RYR2: variants seen among roughly 807,000 people sequenced by gnomAD.
The protein encoded by RYR2 is cardiac muscle ryanodine receptor-calcium release channel.
A neutral mutation model predicts 601.1 loss-of-function variants in RYR2; 227 were observed. The ratio of observed to expected loss-of-function variants is 0.38; its 90% CI spans 0.34 to 0.42. RYR2 has a LOEUF of 0.42. Ranked by LOEUF, RYR2 falls within the 10% of genes least tolerant of loss-of-function variation. The pLI is 1.00. For synonymous variants in RYR2, 2,223 were observed against 2,175.1 expected, an observed-to-expected ratio of 1.02 and a Z score of -0.61; for missense variants, 4,646 against 6,156.5, an observed-to-expected ratio of 0.75 and a Z score of 8.21.
chr1:237,631,753 G>A (rs375123641), intron 42 of RYR2, among the ~76,000 whole-genome samples: 90 of 147,418 alleles, frequency 6.1e-4, no homozygotes, highest in African/African-American at 2.1e-3. Flanking sequence ...TCAGCCTCCC[G>A]AGGAGCTGGG....
chr1:237,777,174 G>A (rs1160744811), intron 87 of RYR2, among the ~76,000 whole-genome samples: 1 of 152,142 alleles, frequency 6.6e-6, no homozygotes. Context: ...AGCACACGGA[G>A]AACCCCCTCC....
chr1:237,359,318 A>C (rs1571970086), intron 4 of RYR2, among the ~76,000 whole-genome samples: 1 of 152,198 alleles, frequency 6.6e-6, no homozygotes, highest in Non-Finnish European at 1.5e-5. Context: ...ATCAAAATAC[A>C]GTTCCTGCTG....
chr1:237,297,419 C>CCATT (rs1692898200), intron 2 of RYR2, among the ~76,000 whole-genome samples: 1 of 152,044 alleles, frequency 6.6e-6, no homozygotes, highest in Admixed American at 6.6e-5. Context: ...TCATCGTCTG[C>CCATT]CATTTTTGTA....
intron 3 of RYR2, among the ~76,000 whole-genome samples, chr1:237,344,283 T>C (rs1050284357): frequency 2.0e-5 from 3 of 152,226 alleles, no homozygotes; most frequent in African/African-American, 7.2e-5. Context: ...TTAACTTGTC[T>C]GTAACTATTG....
intron 11 of RYR2, among the ~76,000 whole-genome samples, chr1:237,419,204 CA>C (rs1705311918): frequency 6.6e-6 from 1 of 151,628 alleles, no homozygotes; most frequent in African/African-American, 2.4e-5. Context: ...TATGTGTTTT[CA>C]AAATTTAGAG....
intron 1 of RYR2, among the ~76,000 whole-genome samples, chr1:237,123,423 CA>C (rs1440957093): frequency 6.6e-6 from 1 of 151,752 alleles, no homozygotes; most frequent in Non-Finnish European, 1.5e-5. Flanking sequence ...CTAGTCTCTA[CA>C]AAAAAATAGG....
At chr1:237,448,226 AT>A (rs764956622) in intron 14 of RYR2, among the ~76,000 whole-genome samples, 1 of 151,966 alleles carries the variant, frequency 6.6e-6, no homozygotes, top group African/African-American at 2.4e-5. Context: ...CACACCCGGC[AT>A]TGATATGTTT....
chr1:237,320,296 C>A (rs1290413145), intron 2 of RYR2, among the ~76,000 whole-genome samples: 1 of 151,996 alleles, frequency 6.6e-6, no homozygotes, highest in East Asian at 1.9e-4. Flanking sequence ...TGAATTGATC[C>A]TTCAACATAA....
intron 1 of RYR2, among the ~76,000 whole-genome samples, chr1:237,152,135 G>A (rs1475390536): frequency 2.6e-5 from 4 of 152,144 alleles, no homozygotes; most frequent in Non-Finnish European, 5.9e-5. Context: ...TTCGTTTGCT[G>A]AGGATGATGG....
chr1:237,684,851 T>TACC (rs1370411156), intron 62 of RYR2, among the ~76,000 whole-genome samples: 5 of 151,532 alleles, frequency 3.3e-5, no homozygotes, highest in African/African-American at 1.2e-4. Context: ...GGCAAAAGGT[T>TACC]TTGAATACCC....
Position 237,762,296 on chromosome 1 carries a change from G to A in RYR2, c.11476+1268G>A, listed in dbSNP as rs562816840. Among the ~76,000 whole-genome samples, 4 of 152,240 alleles carry A rather than the reference G, an allele frequency of 2.6e-5. No homozygotes were observed. In the East Asian group the frequency reaches 7.7e-4, roughly 29 times the overall value. On this transcript the variant is annotated intron_variant, in intron 84 of 104. Coordinates refer to ENST00000366574, the MANE Select transcript of RYR2 (RefSeq NM_001035.3). Reference sequence around the variant, plus strand: ...ACCAGTGCCACTCTAAACCGACTTAGGTTTTCTGGACCCATCTGCAGAACT... The same window carrying A: ...ACCAGTGCCACTCTAAACCGACTTAAGTTTTCTGGACCCATCTGCAGAACT...
At chr1:237,088,264 G>A (rs1666576918) in intron 1 of RYR2, among the ~76,000 whole-genome samples, 1 of 152,200 alleles carries the variant, frequency 6.6e-6, no homozygotes, top group African/African-American at 2.4e-5. Context: ...TGTGCCAAAC[G>A]CAGATGGTTA....
At chr1:237,671,878 T>C (rs1045856670) in intron 58 of RYR2, among the ~76,000 whole-genome samples, 3 of 152,178 alleles carry the variant, frequency 2.0e-5, no homozygotes, top group Non-Finnish European at 2.9e-5. Flanking sequence ...TTCAAGTATT[T>C]TGTACCATGG....
intron 53 of RYR2, among the ~76,000 whole-genome samples, chr1:237,657,703 T>C (rs2148830367): frequency 6.6e-6 from 1 of 151,818 alleles, no homozygotes; most frequent in East Asian, 1.9e-4. Context: ...TTATAATATG[T>C]AATTTGTTAT....
At chr1:237,288,650 A>G (rs886993026) in intron 2 of RYR2, among the ~76,000 whole-genome samples, 4 of 151,004 alleles carry the variant, frequency 2.6e-5, no homozygotes, top group African/African-American at 9.7e-5. Context: ...GGCCAGTCGT[A>G]CTCCCACTGT....
chr1:237,180,640 G>GTGTA lies in RYR2; in HGVS notation c.49-89856_49-89855insGTAT, dbSNP rs61414827. Among the ~76,000 whole-genome samples the GTGTA allele has an allele frequency of 0.44, 53,004 of 120,780 alleles. 9,850 individuals are homozygous for GTGTA. Among genetic ancestry groups the GTGTA allele is most frequent in the East Asian group, 0.57 (2,657 of 4,686 alleles). The allele number at this position is 120,780 out of a possible 152,430, so 79.2% of individuals were successfully genotyped here. A position where few individuals can be genotyped will look rare whatever the true frequency, so the allele number is the denominator to read the frequency against. ...TGTATATATGTATATGTGTATATAT[G>GTGTA]TATATGTATATGTGTATATATGTAT... is the stretch of plus-strand genomic sequence containing the variant. On this transcript the variant is annotated intron_variant, in intron 1 of 104. Coordinates refer to ENST00000366574, the MANE Select transcript of RYR2 (RefSeq NM_001035.3). The surrounding 1 kb of genome is among the most constrained non-coding windows in gnomAD (Gnocchi z 5.3).
chr1:237,064,751 CTTTTTTTTTTTTTT>C (rs551797601), intron 1 of RYR2, among the ~76,000 whole-genome samples: 8 of 109,996 alleles, frequency 7.3e-5, no homozygotes, highest in African/African-American at 2.4e-4. Flanking sequence ...TAGAACCTGT[CTTTTTTTTTTTTTT>C]TTTTTTTTTT....
At chr1:237,308,113 G>C (rs956300117) in intron 2 of RYR2, among the ~76,000 whole-genome samples, 4 of 152,172 alleles carry the variant, frequency 2.6e-5, no homozygotes, top group Non-Finnish European at 5.9e-5. Context: ...ATGGTTAAGG[G>C]AAAAAATTAA....
chr1:237,651,336 A>G, intron 50 of RYR2, 75 bp from the exon 51 acceptor site: 1 of 1,013,346 alleles, frequency 9.9e-7, no homozygotes. Context: ...TGGCTGATAT[A>G]ATTTATTCTA....
Sources: allele counts gnomAD v4.1 joint callset (sites outside exome capture counted in the v4.1 genomes callset), GRCh38; gene constraint gnomAD v4.1.1; non-coding constraint Gnocchi (gnomAD v3.1); transcripts MANE v1.5; gene names NCBI Gene and HGNC (gene_info 2026-07-23, HGNC 2026-07-21).